The following ETV6 variants were observed in gnomAD, a reference collection of about 807,000 sequenced individuals.
ETV6 encodes the protein ETS variant transcription factor 6.
Under a neutral mutation model 51.1 loss-of-function variants are expected in ETV6, and 16 were observed. That is an observed-to-expected ratio of 0.31 (90% confidence interval 0.21 to 0.48). The LOEUF (loss-of-function observed/expected upper bound fraction) is 0.48. Ranked by LOEUF, ETV6 falls within the 20% of genes least tolerant of loss-of-function variation. ETV6 has a pLI of 0.99. For synonymous variants in ETV6, 240 were observed against 224.1 expected, an observed-to-expected ratio of 1.07 and a Z score of -0.64; for missense variants, 458 against 594.8, an observed-to-expected ratio of 0.77 and a Z score of 2.39.
intron 2 of ETV6, among the ~76,000 whole-genome samples, chr12:11,790,277 G>A (rs1157045351): frequency 2.6e-5 from 4 of 151,930 alleles, no homozygotes; most frequent in Non-Finnish European, 5.9e-5. Flanking sequence ...GTCTGGTTTT[G>A]GTCTTTGTTT....
At chr12:11,664,030 A>G (rs1180543007) in intron 1 of ETV6, among the ~76,000 whole-genome samples, 1 of 152,206 alleles carries the variant, frequency 6.6e-6, no homozygotes, top group Non-Finnish European at 1.5e-5. Flanking sequence ...TTGGATGAAT[A>G]GGTAAATCAC....
At chr12:11,678,915 G>T (rs1319595495) in intron 1 of ETV6, among the ~76,000 whole-genome samples, 1 of 152,010 alleles carries the variant, frequency 6.6e-6, no homozygotes, top group Non-Finnish European at 1.5e-5. Flanking sequence ...TTCTTGTTCT[G>T]TTCAGGCCCA....
intron 2 of ETV6, among the ~76,000 whole-genome samples, chr12:11,791,316 G>T (rs766729267): frequency 6.6e-6 from 1 of 152,094 alleles, no homozygotes; most frequent in South Asian, 2.1e-4. Context: ...GGATTTGGGG[G>T]AACGAGAACA....
At chr12:11,819,011 C>T (rs1224077823) in intron 2 of ETV6, among the ~76,000 whole-genome samples, 32 of 152,164 alleles carry the variant, frequency 2.1e-4, no homozygotes, top group Admixed American at 2.1e-3. Flanking sequence ...TCAGCCTCCC[C>T]AGTGGGCTTC....
chr12:11,661,928 A>G (rs1324748019), intron 1 of ETV6, among the ~76,000 whole-genome samples: 1 of 152,026 alleles, frequency 6.6e-6, no homozygotes, highest in Non-Finnish European at 1.5e-5. Flanking sequence ...ATCCAGGGGG[A>G]ATGTTGGCGA....
chr12:11,677,258 C>T (rs990066797), intron 1 of ETV6, among the ~76,000 whole-genome samples: 2 of 152,156 alleles, frequency 1.3e-5, no homozygotes, highest in Non-Finnish European at 2.9e-5. Context: ...TTGTGAGGAA[C>T]CTTTCTCTCT....
In ETV6 at chr12:11,814,276, A is replaced by G. The variant is rs118062111; in HGVS notation, c.164-24864A>G. ...CTTGTTTTAGAAAGTCCAAGTGTAC[A>G]TCCACCATAATTTTCGAGGGCAGTA... On this transcript the variant is annotated intron_variant, in intron 2 of 7. Coordinates refer to ENST00000396373, the MANE Select transcript of ETV6 (RefSeq NM_001987.5). Among the ~76,000 whole-genome samples the G allele has an allele frequency of 2.0e-3, 307 of 152,320 alleles. 8 individuals carry two copies. The East Asian group carries it at 0.049, about 25-fold the overall frequency.
At chr12:11,799,841 C>A (rs7487628) in intron 2 of ETV6, among the ~76,000 whole-genome samples, 2 of 152,206 alleles carry the variant, frequency 1.3e-5, no homozygotes, top group African/African-American at 4.8e-5. Flanking sequence ...TCACTGCTCA[C>A]TGCAGCCTCG....
In ETV6 at chr12:11,874,081, C is replaced by CT. The variant is rs1946924246; in HGVS notation, c.1009+4113dup. 2.7e-5 allele frequency among the ~76,000 whole-genome samples: 3 copies of CT among 111,602 alleles called. 1 individual carries two copies. In the Admixed American group the frequency reaches 3.0e-4, roughly 11 times the overall value. 73.2% of individuals were successfully genotyped at this position (111,602 alleles called of 152,430 possible). A position where few individuals can be genotyped will look rare whatever the true frequency, so the allele number is the denominator to read the frequency against. On this transcript the variant is annotated intron_variant, in intron 5 of 7. Transcript: ENST00000396373. ...AGATCTATTGAGGTCATTTAAAAAT[C>CT]TATCATTTTTCAGGCTGGGTACTGT...
Position 11,681,074 on chromosome 12 carries a change from T to C in ETV6, c.33+30914T>C, listed in dbSNP as rs569494986. 2.0e-5 allele frequency among the ~76,000 whole-genome samples: 3 copies of C among 152,340 alleles called. No homozygotes were observed. The South Asian group carries it at 6.2e-4, about 32-fold the overall frequency. ...TCTATGGAAGCCTCCTAGGCAAGACTCTGTCCTGCATCCCACTGAGTATAG... is the reference window on the plus strand; with the variant it reads ...TCTATGGAAGCCTCCTAGGCAAGACCCTGTCCTGCATCCCACTGAGTATAG... On this transcript the variant is annotated intron_variant, in intron 1 of 7. Transcript: ENST00000396373.
chr12:11,842,407 TACACACACAC>T (rs6144615), intron 3 of ETV6, among the ~76,000 whole-genome samples: 3 of 147,832 alleles, frequency 2.0e-5, no homozygotes, highest in East Asian at 1.9e-4. Flanking sequence ...TTGACACAGA[TACACACACAC>T]ACACACACAC....
chr12:11,839,427 CGAT>C lies in ETV6; in HGVS notation c.328+125_328+127del. ...GTGAGTCATCACAAGGAAGGGATGA[CGAT>C]GGAAGGAAGTTGAAGGAAGATTATG... On this transcript the variant is annotated intron_variant, in intron 3 of 7. Transcript: ENST00000396373. 4 of 999,948 alleles carry C rather than the reference CGAT, an allele frequency of 4.0e-6. No homozygotes were observed. In the East Asian group the frequency reaches 9.8e-5, roughly 24 times the overall value. The allele number at this position is 999,948 out of a possible 1,614,324, so 61.9% of individuals were successfully genotyped here. A position where few individuals can be genotyped will look rare whatever the true frequency, so the allele number is the denominator to read the frequency against.
At chr12:11,832,187 G>A (rs1483108948) in intron 2 of ETV6, among the ~76,000 whole-genome samples, 1 of 152,244 alleles carries the variant, frequency 6.6e-6, no homozygotes, top group Non-Finnish European at 1.5e-5. Flanking sequence ...ATGTCAGCCT[G>A]CTGATGGGGT....
chr12:11,657,963 A>G (rs1474057576), intron 1 of ETV6, among the ~76,000 whole-genome samples: 2 of 152,246 alleles, frequency 1.3e-5, no homozygotes, highest in African/African-American at 4.8e-5. Context: ...ACAATGGAGT[A>G]GACAGACCCA....
At chr12:11,852,566 C>T (rs1946573335) in intron 3 of ETV6, among the ~76,000 whole-genome samples, 1 of 152,186 alleles carries the variant, frequency 6.6e-6, no homozygotes, top group Non-Finnish European at 1.5e-5. Flanking sequence ...GTCATTGGAG[C>T]ATTACAAATG....
chr12:11,890,799 A>C, intron 7 of ETV6, 142 bp from the exon 8 acceptor site: 1 of 708,746 alleles, frequency 1.4e-6, no homozygotes, highest in Non-Finnish European at 2.5e-6. Flanking sequence ...AATTTGCACT[A>C]AGTTAACATT....
At chr12:11,691,520 TAAA>T (rs1565487994) in intron 1 of ETV6, among the ~76,000 whole-genome samples, 1 of 152,220 alleles carries the variant, frequency 6.6e-6, no homozygotes, top group African/African-American at 2.4e-5. Context: ...CATACACACA[TAAA>T]AAGTATGTAG....
chr12:11,670,693 G>T (rs1231075652), intron 1 of ETV6, among the ~76,000 whole-genome samples: 3 of 152,134 alleles, frequency 2.0e-5, no homozygotes, highest in African/African-American at 7.2e-5. Flanking sequence ...TAGGGAGGTG[G>T]CTTGTAGGAT....
intron 1 of ETV6, among the ~76,000 whole-genome samples, chr12:11,668,532 T>C (rs12829015): frequency 0.039 from 5,895 of 152,260 alleles, 130 homozygotes; most frequent in Admixed American, 0.062. Context: ...ACTAGTCTTC[T>C]ATGTGGTAAA....
Sources: gnomAD v4.1 joint callset for allele counts (sites outside exome capture counted in the v4.1 genomes callset) on GRCh38, gnomAD v4.1.1 for gene constraint, MANE v1.5 for transcripts, NCBI Gene and HGNC (gene_info 2026-07-23, HGNC 2026-07-21) for gene names.